ASAH1: variants seen among roughly 807,000 people sequenced by gnomAD.
The protein encoded by ASAH1 is N-acylsphingosine amidohydrolase 1.
A neutral mutation model predicts 59.5 loss-of-function variants in ASAH1; 70 were observed. That is an observed-to-expected ratio of 1.18 (90% CI 0.97 to 1.43). The LOEUF is 1.43. Among genes scored for constraint, ASAH1 ranks in the 40% most tolerant of loss-of-function variants. The probability of loss-of-function intolerance (pLI) is 0.00; values close to 1 mark genes in which losing one functional copy is unlikely to be tolerated. For missense variants in ASAH1, 660 were observed against 482.5 expected, an observed-to-expected ratio of 1.37 and a Z score of -3.45; for synonymous variants, 213 against 166.5, an observed-to-expected ratio of 1.28 and a Z score of -2.15.
intron 5 of ASAH1, 169 bp from the exon 6 acceptor site, chr8:18,064,700 C>G: frequency 1.7e-6 from 1 of 586,626 alleles, no homozygotes; most frequent in South Asian, 2.2e-5. Context: ...CCTGGACTCT[C>G]TAGACTCAAG....
intron 1 of ASAH1, among the ~76,000 whole-genome samples, chr8:18,080,055 A>G (rs752899019): frequency 3.9e-5 from 6 of 152,346 alleles, no homozygotes; most frequent in Admixed American, 1.3e-4. Flanking sequence ...TATTTGTTGA[A>G]TAAGTGAATG....
upstream of ASAH1, chr8:18,084,259 GAGAA>G (rs1800797517): frequency 7.6e-6 from 11 of 1,450,760 alleles, no homozygotes; most frequent in Non-Finnish European, 9.0e-6. Context: ...GGGTGGCGTA[GAGAA>G]AGAGAGAGAG....
intron 5 of ASAH1, chr8:18,065,339 GCAAGTA>G (rs1317052641): frequency 1.3e-5 from 2 of 152,034 alleles, no homozygotes; most frequent in Non-Finnish European, 2.9e-5. Context: ...CATAAAGGCA[GCAAGTA>G]CATATTTCCA....
chr8:18,074,977 T>G (rs1357477494), intron 2 of ASAH1, among the ~76,000 whole-genome samples: 1 of 151,934 alleles, frequency 6.6e-6, no homozygotes, highest in African/African-American at 2.4e-5. Context: ...GACAGGAGAA[T>G]TGAGTGGAGA....
chr8:18,068,747 T>G (rs550305991), intron 4 of ASAH1: 1 of 150,868 alleles, frequency 6.6e-6, no homozygotes, highest in Non-Finnish European at 1.5e-5. Flanking sequence ...CTAAACATCC[T>G]GCAATGCACA....
Position 18,069,811 on chromosome 8 carries a change from T to G in ASAH1, c.284A>C (p.Gln95Pro), listed in dbSNP as rs141265444. The change falls in exon 4 of 14, where the codon CAG becomes CCG. Residue 95 changes from glutamine to proline, a missense_variant. Coordinates refer to ENST00000637790, the MANE Select transcript of ASAH1 (RefSeq NM_177924.5). ...NTFVPSGKIMQVVDEKLPGLL... is the reference protein window; with the variant it reads ...NTFVPSGKIMPVVDEKLPGLL... ...TCTTACCAATTTTTCATCCACCACC[T>G]GCATAATTTTTCCACTTGGCACGAA... 9 of 1,583,966 alleles carry G rather than the reference T, an allele frequency of 5.7e-6. No homozygotes were observed. In the African/African-American group the frequency reaches 1.2e-4, roughly 21 times the overall value.
intron 7 of ASAH1, chr8:18,062,922 G>T: frequency 2.6e-6 from 1 of 387,896 alleles, no homozygotes; most frequent in East Asian, 5.7e-5. Flanking sequence ...CCAAGCTGCA[G>T]TGCAGTGGCG....
chr8:18,066,845 A>C (rs544628285), intron 5 of ASAH1: 1 of 267,678 alleles, frequency 3.7e-6, no homozygotes, highest in Non-Finnish European at 7.0e-6. Context: ...ACAATAGCAC[A>C]CCACCCATAA....
At chr8:18,083,525 A>G (rs994981449) in intron 1 of ASAH1, 2 of 208,984 alleles carry the variant, frequency 9.6e-6, no homozygotes, top group African/African-American at 4.8e-5. Flanking sequence ...GCTTGGGACC[A>G]CTCAGCGTTT....
At chr8:18,070,172 G>A (rs540110056) in intron 3 of ASAH1, among the ~76,000 whole-genome samples, 60 of 150,232 alleles carry the variant, frequency 4.0e-4, no homozygotes, top group African/African-American at 1.1e-3. Context: ...TTTTTAAGAC[G>A]GAGTTTTGCT....
chr8:18,078,363 C>A (rs1182746377), intron 1 of ASAH1, among the ~76,000 whole-genome samples: 2 of 152,124 alleles, frequency 1.3e-5, no homozygotes, highest in Admixed American at 1.3e-4. Flanking sequence ...TGGAGTGAGT[C>A]TGAGGTTGAT....
At chr8:18,063,956 T>C (rs528432527) in intron 6 of ASAH1, 3 of 183,236 alleles carry the variant, frequency 1.6e-5, no homozygotes, top group Non-Finnish European at 3.4e-5. Flanking sequence ...AGAGTATAGG[T>C]CAAAGATCAG....
At chr8:18,066,546 CAAAAAAAAAGG>C (rs1799937415) in intron 5 of ASAH1, 1 of 149,430 alleles carries the variant, frequency 6.7e-6, no homozygotes, top group Non-Finnish European at 1.5e-5. Context: ...TTGACACTAA[CAAAAAAAAAGG>C]AAAAAAAAAG....
chr8:18,077,895 G>A (rs1800477543), intron 1 of ASAH1, among the ~76,000 whole-genome samples: 1 of 152,130 alleles, frequency 6.6e-6, no homozygotes, highest in Non-Finnish European at 1.5e-5. Flanking sequence ...TTTCCTATGA[G>A]TTGGGAATAC....
At position 18,057,182 on chromosome 8, in the gene ASAH1, T is replaced by C; in HGVS notation, c.*352A>G. On this transcript the variant is annotated 3_prime_UTR_variant, in exon 14 of 14. Coordinates refer to ENST00000637790, the MANE Select transcript of ASAH1 (RefSeq NM_177924.5). ...TACTGTCCCGTTACTCACACAGACGTGCTGGATTCAACACCCACGCTGAAT... is the reference window on the plus strand; with the variant it reads ...TACTGTCCCGTTACTCACACAGACGCGCTGGATTCAACACCCACGCTGAAT... The C allele has an allele frequency of 3.6e-6, 1 of 280,190 alleles. No individual in the cohort carries two copies. 17.4% of individuals were successfully genotyped at this position (280,190 alleles called of 1,614,324 possible).
chr8:18,083,890 T>G (rs1472582635), intron 1 of ASAH1, 91 bp downstream of exon 1: 1 of 1,536,756 alleles, frequency 6.5e-7, no homozygotes. Flanking sequence ...CACGAGGTGT[T>G]CCTTGTACCC....
intron 3 of ASAH1, among the ~76,000 whole-genome samples, chr8:18,070,394 C>T (rs548439380): frequency 2.0e-5 from 3 of 152,148 alleles, no homozygotes; most frequent in Admixed American, 6.5e-5. Flanking sequence ...GTGATCCACC[C>T]GCCTCGGCCT....
upstream of ASAH1, chr8:18,084,557 C>T: frequency 1.3e-6 from 2 of 1,520,254 alleles, no homozygotes; most frequent in Middle Eastern, 2.1e-4. Context: ...AGAAAAGCGG[C>T]CCGAAATGAG....
At chr8:18,057,926 C>G (rs1330202069) in intron 13 of ASAH1, 1 of 169,876 alleles carries the variant, frequency 5.9e-6, no homozygotes, top group Admixed American at 6.3e-5. Flanking sequence ...GAGCTTATTC[C>G]TGACAGCACA....
Sources: gnomAD v4.1 joint callset for allele counts (sites outside exome capture counted in the v4.1 genomes callset) on GRCh38, gnomAD v4.1.1 for gene constraint, MANE v1.5 for transcripts, NCBI Gene and HGNC (gene_info 2026-07-23, HGNC 2026-07-21) for gene names.